PIP5K1B: variants seen among roughly 807,000 people sequenced by gnomAD.
PIP5K1B encodes the protein phosphatidylinositol-4-phosphate 5-kinase type 1 beta.
Under a neutral mutation model 67.0 loss-of-function variants are expected in PIP5K1B, and 42 were observed. The observed-to-expected ratio is 0.63, with a 90% CI of 0.49 to 0.81. The LOEUF (loss-of-function observed/expected upper bound fraction) is 0.81. Ranked by LOEUF, PIP5K1B falls within the 30% of genes least tolerant of loss-of-function variation. PIP5K1B has a pLI of 0.00. For synonymous variants in PIP5K1B, 214 were observed against 231.4 expected (o/e 0.92, Z 0.68); for missense variants, 459 against 646.3 (o/e 0.71, Z 3.14).
At chr9:68,995,247 A>G (rs12001584) in intron 15 of PIP5K1B, among the ~76,000 whole-genome samples, 25 of 100,172 alleles carry the variant, frequency 2.5e-4, no homozygotes, top group African/African-American at 9.6e-4. Context: ...GAGAGAAAGA[A>G]AGAGAAAAGG....
chr9:68,810,715 A>G (rs1833116817), intron 2 of PIP5K1B, among the ~76,000 whole-genome samples: 1 of 152,158 alleles, frequency 6.6e-6, no homozygotes, highest in African/African-American at 2.4e-5. Flanking sequence ...AATATATCTA[A>G]AACTTTCGGT....
intron 8 of PIP5K1B, among the ~76,000 whole-genome samples, chr9:68,904,172 C>G (rs113761961): frequency 7.9e-5 from 12 of 152,228 alleles, no homozygotes; most frequent in African/African-American, 2.4e-4. Flanking sequence ...CTCTCTGACT[C>G]CAAACCCATG....
intron 2 of PIP5K1B, among the ~76,000 whole-genome samples, chr9:68,744,912 A>G (rs889633335): frequency 4.6e-5 from 7 of 152,064 alleles, no homozygotes; most frequent in Non-Finnish European, 8.8e-5. Flanking sequence ...GCTGGGTTCT[A>G]TTGCTGTCCA....
intron 2 of PIP5K1B, among the ~76,000 whole-genome samples, chr9:68,779,002 C>G (rs1438661207): frequency 6.6e-6 from 1 of 152,108 alleles, no homozygotes; most frequent in African/African-American, 2.4e-5. Context: ...ATCACACCAT[C>G]TTACTTTTCC....
intron 2 of PIP5K1B, among the ~76,000 whole-genome samples, chr9:68,811,774 A>T (rs1833181885): frequency 6.6e-6 from 1 of 152,154 alleles, no homozygotes; most frequent in Non-Finnish European, 1.5e-5. Flanking sequence ...CCCCTCTTTA[A>T]TATACCCAAA....
intron 6 of PIP5K1B, among the ~76,000 whole-genome samples, chr9:68,885,844 A>G (rs1824440538): frequency 6.6e-6 from 1 of 152,238 alleles, no homozygotes; most frequent in Non-Finnish European, 1.5e-5. Context: ...AAATAAAAAA[A>G]CTAAAATTAA....
chr9:68,857,140 C>T (rs941890420), intron 4 of PIP5K1B, among the ~76,000 whole-genome samples: 1 of 152,192 alleles, frequency 6.6e-6, no homozygotes, highest in African/African-American at 2.4e-5. Flanking sequence ...TGATTCCCCA[C>T]CAGAGTCTCT....
At chr9:68,781,126 A>C in intron 2 of PIP5K1B, 1 of 1,450,988 alleles carries the variant, frequency 6.9e-7, no homozygotes, top group African/African-American at 1.4e-5. Flanking sequence ...GCTATTTCCT[A>C]TTTGACCCCT....
intron 2 of PIP5K1B, among the ~76,000 whole-genome samples, chr9:68,785,477 T>C (rs1364635228): frequency 6.6e-6 from 1 of 152,220 alleles, no homozygotes; most frequent in Non-Finnish European, 1.5e-5. Context: ...TTGTGGCTTC[T>C]GTAACTTGCC....
At chr9:68,953,942 C>T (rs1229024768) in intron 14 of PIP5K1B, among the ~76,000 whole-genome samples, 1 of 151,874 alleles carries the variant, frequency 6.6e-6, no homozygotes. Context: ...AGGAGAAAGG[C>T]CTGGCTGTCA....
At chr9:68,754,607 A>G (rs1829832226) in intron 2 of PIP5K1B, among the ~76,000 whole-genome samples, 1 of 152,046 alleles carries the variant, frequency 6.6e-6, no homozygotes, top group Admixed American at 6.6e-5. Context: ...GAAATTAGGG[A>G]AGCTATTGAT....
At chr9:68,879,942 G>C (rs1824095988) in intron 6 of PIP5K1B, among the ~76,000 whole-genome samples, 1 of 152,148 alleles carries the variant, frequency 6.6e-6, no homozygotes, top group African/African-American at 2.4e-5. Flanking sequence ...ACATCATGTT[G>C]TATACCATAA....
chr9:68,831,695 G>A (rs75326932), intron 4 of PIP5K1B, among the ~76,000 whole-genome samples: 3 of 150,078 alleles, frequency 2.0e-5, no homozygotes, highest in Non-Finnish European at 4.4e-5. Context: ...TTTTTTTTTT[G>A]ACGGAGTTTT....
At chr9:68,924,756 ATAAG>A (rs1826599329) in intron 12 of PIP5K1B, among the ~76,000 whole-genome samples, 1 of 152,216 alleles carries the variant, frequency 6.6e-6, no homozygotes. Context: ...TTATATTTAA[ATAAG>A]ACAAATTTTC....
At chr9:68,802,473 A>G (rs1832651702) in intron 2 of PIP5K1B, among the ~76,000 whole-genome samples, 2 of 151,526 alleles carry the variant, frequency 1.3e-5, no homozygotes, top group African/African-American at 4.9e-5. Flanking sequence ...GACAGAGGTT[A>G]TTGCCCTCAA....
rs150105248 is a variant in PIP5K1B, at chr9:68,953,561, A to T, written c.1502+12771A>T. On this transcript the variant is annotated intron_variant, in intron 14 of 15. Transcript: ENST00000265382. ...CCAGGTGTGGTGGTTCACACCTATA[A>T]TCCCAGCATATTTGGAGGCCGAGGT... Among the ~76,000 whole-genome samples, 615 of 152,166 alleles carry T rather than the reference A, an allele frequency of 4.0e-3. 1 individual carries two copies. The highest frequency in any genetic ancestry group is 6.5e-3 in the Non-Finnish European group (444 of 67,990).
intron 4 of PIP5K1B, among the ~76,000 whole-genome samples, chr9:68,824,910 C>G (rs1339994306): frequency 6.6e-6 from 1 of 152,150 alleles, no homozygotes; most frequent in African/African-American, 2.4e-5. Flanking sequence ...AGGAAAACCT[C>G]TGAATGTGAG....
At chr9:68,806,580 C>T (rs973252786) in intron 2 of PIP5K1B, among the ~76,000 whole-genome samples, 5 of 152,226 alleles carry the variant, frequency 3.3e-5, no homozygotes, top group Non-Finnish European at 7.3e-5. Context: ...CTCCCAGGGC[C>T]ATCTAGCCCG....
At chr9:68,878,013 CTGTGTGTGTGTGTGTGTGTGTGTG>C (rs35871698) in intron 6 of PIP5K1B, among the ~76,000 whole-genome samples, 1 of 142,006 alleles carries the variant, frequency 7.0e-6, no homozygotes, top group Non-Finnish European at 1.5e-5. Context: ...CGCATTTGTT[CTGTGTGTGTGTGTGTGTGTGTGTG>C]TGTGTGTGTG....
Sources: gnomAD v4.1 joint callset for allele counts (sites outside exome capture counted in the v4.1 genomes callset) on GRCh38, gnomAD v4.1.1 for gene constraint, MANE v1.5 for transcripts, NCBI Gene and HGNC (gene_info 2026-07-23, HGNC 2026-07-21) for gene names.